The following SNAP47 variants were observed in gnomAD, a reference collection of about 807,000 sequenced individuals.
SNAP47 encodes synaptosomal-associated protein 47.
In SNAP47, 20 loss-of-function variants were observed where a neutral mutation model predicts 31.4. That is an observed-to-expected ratio of 0.64 (90% CI 0.45 to 0.93). The LOEUF (loss-of-function observed/expected upper bound fraction) is 0.93, where lower values mean the gene tolerates loss of function less well. SNAP47 is among the 40% of genes least tolerant of loss of function. The probability of loss-of-function intolerance (pLI) is 0.00; values close to 1 mark genes in which losing one functional copy is unlikely to be tolerated. For missense variants in SNAP47, 492 were observed against 528.5 expected, an observed-to-expected ratio of 0.93 and a Z score of 0.68; for synonymous variants, 194 against 213.4, an observed-to-expected ratio of 0.91 and a Z score of 0.79.
At chr1:227,735,264 C>A (rs764993970), upstream of SNAP47, 55 of 1,605,016 alleles carry the variant, frequency 3.4e-5, no homozygotes, top group Admixed American at 8.4e-5. Flanking sequence ...GCGCGCGTCT[C>A]GCGGTCCATC....
chr1:227,751,333 C>T (rs1206626437), intron 2 of SNAP47, among the ~76,000 whole-genome samples: 2 of 152,204 alleles, frequency 1.3e-5, no homozygotes, highest in Non-Finnish European at 2.9e-5. Context: ...CTGTCCTGGC[C>T]ACCGCAGGCC....
upstream of SNAP47, chr1:227,735,369 G>A (rs1017583127): frequency 6.3e-7 from 1 of 1,591,182 alleles, no homozygotes; most frequent in Non-Finnish European, 8.5e-7. Flanking sequence ...AGGGCGCCGC[G>A]TTTCTGCCCC....
At chr1:227,734,771 T>G (rs1303023825), upstream of SNAP47, 1 of 1,614,054 alleles carries the variant, frequency 6.2e-7, no homozygotes, top group Admixed American at 1.7e-5. Flanking sequence ...GGGGTTCGAG[T>G]TGTATTCCTG....
At chr1:227,752,906 ATTC>A (rs1662467231) in intron 2 of SNAP47, among the ~76,000 whole-genome samples, 1 of 152,168 alleles carries the variant, frequency 6.6e-6, no homozygotes, top group Admixed American at 6.5e-5. Flanking sequence ...CCATCAGCCT[ATTC>A]TTAGGCTGGC....
intron 2 of SNAP47, among the ~76,000 whole-genome samples, chr1:227,756,761 G>A (rs1011055097): frequency 1.3e-5 from 2 of 152,254 alleles, no homozygotes; most frequent in African/African-American, 4.8e-5. Context: ...GCGTGTTGCT[G>A]CCCAACAGCA....
chr1:227,758,106 C>T lies in SNAP47; in HGVS notation c.498-889C>T, dbSNP rs933575140. Among the ~76,000 whole-genome samples, 8 of 152,354 alleles carry T rather than the reference C, an allele frequency of 5.3e-5. No homozygotes were observed. The South Asian group carries it at 6.2e-4, about 12-fold the overall frequency. On this transcript the variant is annotated intron_variant, in intron 2 of 4. Coordinates refer to ENST00000617596, the MANE Select transcript of SNAP47 (RefSeq NM_053052.4). ...GCTGCAGGACAGAGCTTTGTGAAAACAGAATCTGGAGTCTCCTGCTGCAGA... is the reference window on the plus strand; with the variant it reads ...GCTGCAGGACAGAGCTTTGTGAAAATAGAATCTGGAGTCTCCTGCTGCAGA...
intron 2 of SNAP47, 114 bp from the exon 3 acceptor site, chr1:227,758,881 G>GT: frequency 7.7e-7 from 1 of 1,299,920 alleles, no homozygotes; most frequent in Non-Finnish European, 1.0e-6. Flanking sequence ...TGGAAATGAA[G>GT]TAGAGTAAAA....
chr1:227,755,296 T>C (rs1662626720), intron 2 of SNAP47, among the ~76,000 whole-genome samples: 1 of 152,194 alleles, frequency 6.6e-6, no homozygotes, highest in Non-Finnish European at 1.5e-5. Flanking sequence ...CTCCAACTCC[T>C]GGGCTTAAGT....
intron 3 of SNAP47, 143 bp downstream of exon 3, chr1:227,759,628 T>C: frequency 1.8e-6 from 2 of 1,110,548 alleles, no homozygotes; most frequent in Non-Finnish European, 2.6e-6. Flanking sequence ...CTCGTTTGTT[T>C]ATACATAAAA....
chr1:227,746,760 A>G (rs1454078144), intron 1 of SNAP47: 1 of 152,270 alleles, frequency 6.6e-6, no homozygotes, highest in Non-Finnish European at 1.5e-5. Context: ...GTCACGTTAC[A>G]GTGAAATTCT....
In SNAP47 at chr1:227,747,820, C is replaced by T. The variant is rs941500599; in HGVS notation, c.84C>T (p.Ser28=). 1 of 1,614,058 alleles carries T rather than the reference C, an allele frequency of 6.2e-7. No homozygotes were observed. The highest frequency in any genetic ancestry group is 8.5e-7 in the Non-Finnish European group (1 of 1,180,030). The change falls in exon 2 of 5, where the codon TCC becomes TCT. Residue 28 remains serine (S), a synonymous_variant. Transcript: ENST00000617596. Reference sequence around the variant, plus strand: ...GGCGATGGGTTACTGGACAGCTGTCCTTAACATCGCTGTCGCTCAGGTTCA... The same window carrying T: ...GGCGATGGGTTACTGGACAGCTGTCTTTAACATCGCTGTCGCTCAGGTTCA... ...PKRRWVTGQL[S]LTSLSLRFMT...
At chr1:227,733,449 C>G (rs762392178), upstream of SNAP47, 3 of 1,586,738 alleles carry the variant, frequency 1.9e-6, no homozygotes, top group Admixed American at 5.5e-5. Flanking sequence ...CCACTGGGCA[C>G]AAACACCATC....
intron 4 of SNAP47, among the ~76,000 whole-genome samples, chr1:227,773,845 C>T (rs58093013): frequency 0.021 from 3,222 of 152,310 alleles, 96 homozygotes; most frequent in African/African-American, 0.072. Context: ...CGTTGTCCCA[C>T]GATGAGACCC....
rs1662082707 is a variant in SNAP47 at position 227,747,976 on chromosome 1, C to T, written c.240C>T (p.Phe80=). The T allele has an allele frequency of 6.2e-7, 1 of 1,614,136 alleles. No individual in the cohort carries two copies. ...ILEKGHAKHW[F]SSLRPSRNVV... ...AGAAGGGCCATGCCAAGCACTGGTTCAGCTCCCTGCGGCCAAGTCGAAATG... is the reference window on the plus strand; with the variant it reads ...AGAAGGGCCATGCCAAGCACTGGTTTAGCTCCCTGCGGCCAAGTCGAAATG... Residue 80 remains phenylalanine (F), a synonymous_variant, in exon 2 of 5, where the codon TTC becomes TTT. Coordinates refer to ENST00000617596, the MANE Select transcript of SNAP47 (RefSeq NM_053052.4).
intron 3 of SNAP47, among the ~76,000 whole-genome samples, chr1:227,764,660 G>A (rs1188535294): frequency 6.6e-6 from 1 of 152,148 alleles, no homozygotes; most frequent in African/African-American, 2.4e-5. Flanking sequence ...AATCCCAGCA[G>A]TTGGGGAGGC....
At chr1:227,729,234 A>G (rs1259023044) in intron 1 of SNAP47, among the ~76,000 whole-genome samples, 1 of 152,162 alleles carries the variant, frequency 6.6e-6, no homozygotes, top group African/African-American at 2.4e-5. Flanking sequence ...GTCAGACCCC[A>G]GGCAGGAGTG....
chr1:227,781,054 G>GAGAT lies in SNAP47; in HGVS notation c.*381_*382insAGAT. ...AATTTGTGAGTGAAGTTAGAGCCCA[G>GAGAT]CTCACTTAGCCAGCTCACTTTGAGG... On this transcript the variant is annotated 3_prime_UTR_variant, in exon 5 of 5. Transcript: ENST00000617596. 1 of 198,402 alleles carries GAGAT rather than the reference G, an allele frequency of 5.0e-6. No individual in the cohort carries two copies. The highest frequency in any genetic ancestry group is 5.5e-5 in the Admixed American group (1 of 18,140). The allele number at this position is 198,402 out of a possible 1,614,324, so 12.3% of individuals were successfully genotyped here.
At chr1:227,732,276 C>T, upstream of SNAP47, 1 of 1,262,120 alleles carries the variant, frequency 7.9e-7, no homozygotes, top group Non-Finnish European at 1.1e-6. Context: ...AGCCAGGCCA[C>T]AAGCCTCGAC....
intron 1 of SNAP47, among the ~76,000 whole-genome samples, chr1:227,729,068 C>A (rs180685725): frequency 6.6e-6 from 1 of 152,324 alleles, no homozygotes; most frequent in African/African-American, 2.4e-5. Flanking sequence ...CTGGGGTGTG[C>A]GTCTGCAGGA....
Sources: gnomAD v4.1 joint callset for allele counts (sites outside exome capture counted in the v4.1 genomes callset) on GRCh38, gnomAD v4.1.1 for gene constraint, MANE v1.5 for transcripts, NCBI Gene and HGNC (gene_info 2026-07-23, HGNC 2026-07-21) for gene names.